HIP1: variants seen among roughly 807,000 people sequenced by gnomAD.
HIP1 encodes huntingtin interacting protein 1.
Under a neutral mutation model 147.6 loss-of-function variants are expected in HIP1, and 65 were observed. The ratio of observed to expected loss-of-function variants is 0.44; its 90% CI spans 0.36 to 0.54. The LOEUF (loss-of-function observed/expected upper bound fraction) is 0.54. Among genes scored for constraint, HIP1 ranks in the 20% least tolerant of loss-of-function variants. The probability of loss-of-function intolerance (pLI) is 0.00; values close to 1 mark genes in which losing one functional copy is unlikely to be tolerated. For synonymous variants in HIP1, 479 were observed against 504.0 expected, an observed-to-expected ratio of 0.95 and a Z score of 0.67; for missense variants, 1,061 against 1,299.6, an observed-to-expected ratio of 0.82 and a Z score of 2.82.
chr7:75,556,633 C>G lies in HIP1; in HGVS notation c.1683+77G>C. 3.3e-6 allele frequency: 3 copies of G among 919,696 alleles called. No individual in the cohort carries two copies. The Admixed American group carries it at 5.5e-5, about 17-fold the overall frequency. 57.0% of individuals were successfully genotyped at this position (919,696 alleles called of 1,614,324 possible). A position where few individuals can be genotyped will look rare whatever the true frequency, so the allele number is the denominator to read the frequency against. On this transcript the variant is annotated intron_variant, in intron 17 of 30. Coordinates refer to ENST00000336926, the MANE Select transcript of HIP1 (RefSeq NM_005338.7). ...CCAGGGAGGTGGAGGCTGCAGTGAGCTGCGATCGCACCACTGCATTCCAAC... is the reference window on the plus strand; with the variant it reads ...CCAGGGAGGTGGAGGCTGCAGTGAGGTGCGATCGCACCACTGCATTCCAAC...
Position 75,547,024 on chromosome 7 carries a change from C to G in HIP1, c.2474G>C (p.Gly825Ala). The part of the protein sequence containing the change: ...VKLEVNERIL[G>A]CCTSLMQAIQ... ...AGCTTGCATGAGGCTGGTACAGCAA[C>G]CAAGGATCCTGCCAAACAAACAAGT... The change falls in exon 25 of 31, where the codon GGT (glycine) becomes GCT (alanine). Residue 825 changes from glycine to alanine, a missense_variant. Gly to Ala is a moderately conservative substitution (Grantham distance 60, BLOSUM62 0). Coordinates refer to ENST00000336926, the MANE Select transcript of HIP1 (RefSeq NM_005338.7). 2 of 1,581,908 alleles carry G rather than the reference C, an allele frequency of 1.3e-6. No individual in the cohort carries two copies. The highest frequency in any genetic ancestry group is 1.7e-6 in the Non-Finnish European group (2 of 1,162,852).
chr7:75,644,760 C>T (rs1554510892), intron 1 of HIP1, among the ~76,000 whole-genome samples: 1 of 152,132 alleles, frequency 6.6e-6, no homozygotes, highest in Non-Finnish European at 1.5e-5. Flanking sequence ...TATTCATCAA[C>T]CAACACTAGC....
rs928650451 is a variant in HIP1 at position 75,536,984 on chromosome 7, G to C, written c.*1188C>G. Reference sequence around the variant, plus strand: ...TCCGGGTTTGTCAATTGCGTAGAAGGTGGAACGATCTTCCTATTCAAGAGG... The same window carrying C: ...TCCGGGTTTGTCAATTGCGTAGAAGCTGGAACGATCTTCCTATTCAAGAGG... On this transcript the variant is annotated 3_prime_UTR_variant, in exon 31 of 31. Transcript: ENST00000336926. 22 of 231,996 alleles carry C rather than the reference G, an allele frequency of 9.5e-5. No individual in the cohort carries two copies. The highest frequency in any genetic ancestry group is 1.7e-5 in the Non-Finnish European group (2 of 117,332). The allele number at this position is 231,996 out of a possible 1,614,324, so 14.4% of individuals were successfully genotyped here. A position where few individuals can be genotyped will look rare whatever the true frequency, so the allele number is the denominator to read the frequency against.
chr7:75,586,108 C>G (rs941589733), intron 5 of HIP1, among the ~76,000 whole-genome samples: 1 of 152,058 alleles, frequency 6.6e-6, no homozygotes, highest in African/African-American at 2.4e-5. Flanking sequence ...GCCACTGTGC[C>G]CAGCCAGGAA....
At chr7:75,697,045 C>T (rs185412815) in intron 1 of HIP1, among the ~76,000 whole-genome samples, 5 of 151,796 alleles carry the variant, frequency 3.3e-5, no homozygotes, top group South Asian at 2.1e-4. Flanking sequence ...CTTTTTAAGT[C>T]GACCTGGAAT....
At chr7:75,614,920 C>T (rs781795331) in intron 1 of HIP1, among the ~76,000 whole-genome samples, 1 of 151,914 alleles carries the variant, frequency 6.6e-6, no homozygotes, top group African/African-American at 2.4e-5. Flanking sequence ...TTACAGGCAC[C>T]CACCACCCCG....
intron 1 of HIP1, among the ~76,000 whole-genome samples, chr7:75,614,567 G>A (rs762207042): frequency 6.6e-6 from 1 of 152,168 alleles, no homozygotes; most frequent in Non-Finnish European, 1.5e-5. Flanking sequence ...TGGTAGGAGA[G>A]GGGTGGGGAG....
At chr7:75,687,667 G>A (rs537628225) in intron 1 of HIP1, among the ~76,000 whole-genome samples, 78 of 152,104 alleles carry the variant, frequency 5.1e-4, no homozygotes, top group Non-Finnish European at 7.8e-4. Flanking sequence ...CTCCAGCCTG[G>A]GAGACAAGAG....
chr7:75,647,047 C>T (rs1380607256), intron 1 of HIP1, among the ~76,000 whole-genome samples: 1 of 151,772 alleles, frequency 6.6e-6, no homozygotes, highest in African/African-American at 2.4e-5. Flanking sequence ...CCGAGTACCC[C>T]TCTCACTCTG....
intron 1 of HIP1, among the ~76,000 whole-genome samples, chr7:75,615,110 G>A (rs782214570): frequency 2.0e-5 from 3 of 152,096 alleles, no homozygotes; most frequent in Non-Finnish European, 4.4e-5. Flanking sequence ...TACACGCAGG[G>A]CAAGGCTGCC....
intron 1 of HIP1, among the ~76,000 whole-genome samples, chr7:75,719,613 A>G (rs368864799): frequency 5.3e-5 from 8 of 152,010 alleles, no homozygotes; most frequent in African/African-American, 1.9e-4. Flanking sequence ...AATCCTTTCC[A>G]TGACCCTATA....
Position 75,558,216 on chromosome 7 carries a change from T to TTTAGCTTGCTATATCGCTGTTCA in HIP1, c.1392_1414dup (p.Lys472MetfsTer8). ...CTGAACCAGCTCGCTGTACTTCTCC[T>TTTAGCTTGCTATATCGCTGTTCA]TTAGCTTGCTATATCGCTGTTCATT... is the stretch of plus-strand genomic sequence containing the variant. On this transcript the variant is annotated stop_gained and frameshift_variant, in exon 15 of 31. Coordinates refer to ENST00000336926, the MANE Select transcript of HIP1 (RefSeq NM_005338.7). LOFTEE classifies it high-confidence loss of function. 6.2e-7 allele frequency: 1 copy of TTTAGCTTGCTATATCGCTGTTCA among 1,614,168 alleles called. No individual in the cohort carries two copies. Among genetic ancestry groups the TTTAGCTTGCTATATCGCTGTTCA allele is most frequent in the Non-Finnish European group, 8.5e-7 (1 of 1,179,990 alleles).
chr7:75,711,694 C>T (rs569463809), intron 1 of HIP1, among the ~76,000 whole-genome samples: 37 of 152,332 alleles, frequency 2.4e-4, no homozygotes, highest in African/African-American at 7.9e-4. Context: ...CCGTCTGGCT[C>T]CAGGGAAGGC....
chr7:75,687,695 C>G (rs930573486), intron 1 of HIP1, among the ~76,000 whole-genome samples: 1 of 152,044 alleles, frequency 6.6e-6, no homozygotes, highest in Non-Finnish European at 1.5e-5. Context: ...CCGTCTCAAA[C>G]AAAACAAAAC....
intron 1 of HIP1, among the ~76,000 whole-genome samples, chr7:75,628,580 G>T (rs1699592736): frequency 1.3e-5 from 2 of 150,334 alleles, no homozygotes; most frequent in Admixed American, 1.3e-4. Context: ...CCGGGTTCAA[G>T]TGATTCTCGT....
At chr7:75,600,787 G>C (rs1302447742) in intron 1 of HIP1, among the ~76,000 whole-genome samples, 3 of 152,102 alleles carry the variant, frequency 2.0e-5, no homozygotes, top group Admixed American at 2.0e-4. Context: ...CTGAGACAGG[G>C]TCTTTTTCTG....
At chr7:75,712,478 T>G (rs1338894760) in intron 1 of HIP1, among the ~76,000 whole-genome samples, 1 of 152,130 alleles carries the variant, frequency 6.6e-6, no homozygotes, top group Non-Finnish European at 1.5e-5. Context: ...CAAAGGGGTG[T>G]GTGTTTGGTC....
intron 13 of HIP1, among the ~76,000 whole-genome samples, chr7:75,560,307 G>A (rs968408275): frequency 2.0e-5 from 3 of 152,084 alleles, no homozygotes; most frequent in Non-Finnish European, 2.9e-5. Context: ...GGAGTGCAGT[G>A]AGGTGATTAT....
chr7:75,604,610 A>C (rs1797145515), intron 1 of HIP1, among the ~76,000 whole-genome samples: 2 of 149,280 alleles, frequency 1.3e-5, no homozygotes, highest in Non-Finnish European at 3.0e-5. Context: ...TGGAGGCTGC[A>C]GTGAGCTGAG....
Sources: gnomAD v4.1 joint callset for allele counts (sites outside exome capture counted in the v4.1 genomes callset) on GRCh38, gnomAD v4.1.1 for gene constraint, MANE v1.5 for transcripts, NCBI Gene and HGNC (gene_info 2026-07-23, HGNC 2026-07-21) for gene names.